Variants in OLFM2 observed in about 807,000 individuals in gnomAD.
OLFM2 encodes noelin-2.
OLFM2 carries 20 observed loss-of-function variants against 43.9 expected under a neutral mutation model. The observed-to-expected ratio is 0.46, with a 90% confidence interval of 0.32 to 0.66. OLFM2 has a LOEUF of 0.66. OLFM2 is among the 30% of genes least tolerant of loss of function. The pLI is 0.04. For missense variants in OLFM2, 416 were observed against 643.6 expected (o/e 0.65, Z 3.83); for synonymous variants, 268 against 278.6 (o/e 0.96, Z 0.38).
chr19:9,900,003 ATAG>A (rs55717815), intron 1 of OLFM2, among the ~76,000 whole-genome samples: 24 of 152,304 alleles, frequency 1.6e-4, no homozygotes, highest in Non-Finnish European at 2.9e-4. Flanking sequence ...CCCCTGGCAC[ATAG>A]TAGGTGCATA....
intron 1 of OLFM2, among the ~76,000 whole-genome samples, chr19:9,916,434 C>T (rs2046876946): frequency 6.6e-6 from 1 of 152,174 alleles, no homozygotes; most frequent in South Asian, 2.1e-4. Flanking sequence ...TTTGCAGATG[C>T]AATGTTAACA....
chr19:9,879,154 T>C (rs1229486454), intron 1 of OLFM2, among the ~76,000 whole-genome samples: 1 of 152,126 alleles, frequency 6.6e-6, no homozygotes, highest in African/African-American at 2.4e-5. Context: ...TGTTTATTTA[T>C]TTTGAGACAG....
At chr19:9,918,089 G>C (rs895246781) in intron 1 of OLFM2, among the ~76,000 whole-genome samples, 1 of 152,048 alleles carries the variant, frequency 6.6e-6, no homozygotes, top group Non-Finnish European at 1.5e-5. Context: ...ATGTTGACCA[G>C]GCTGGTTTTG....
intron 1 of OLFM2, among the ~76,000 whole-genome samples, chr19:9,894,311 G>A (rs1045475281): frequency 1.3e-5 from 2 of 150,848 alleles, no homozygotes; most frequent in Non-Finnish European, 2.9e-5. Context: ...GGTAAGTCAC[G>A]GCTGCAGTGA....
chr19:9,929,646 G>A (rs576415105), intron 1 of OLFM2, among the ~76,000 whole-genome samples: 2 of 151,944 alleles, frequency 1.3e-5, no homozygotes, highest in African/African-American at 4.8e-5. Context: ...ATGCATGTAG[G>A]AACAAATGAA....
At chr19:9,919,120 T>C (rs2086403202) in intron 1 of OLFM2, among the ~76,000 whole-genome samples, 1 of 152,056 alleles carries the variant, frequency 6.6e-6, no homozygotes, top group Non-Finnish European at 1.5e-5. Flanking sequence ...GAGAATTGCT[T>C]GAAGCCAGGA....
chr19:9,936,248 C>T, intron 1 of OLFM2, 56 bp downstream of exon 1: 2 of 1,513,012 alleles, frequency 1.3e-6, no homozygotes, highest in African/African-American at 2.8e-5. Flanking sequence ...GAACCCTCCG[C>T]GCCCCCCTCC....
chr19:9,912,548 G>A (rs948286853), intron 1 of OLFM2, among the ~76,000 whole-genome samples: 26 of 152,050 alleles, frequency 1.7e-4, no homozygotes, highest in African/African-American at 5.8e-4. Flanking sequence ...TGGGGGGAAA[G>A]GCATATCTGG....
chr19:9,872,765 T>A (rs546218117), intron 1 of OLFM2, among the ~76,000 whole-genome samples: 1 of 152,200 alleles, frequency 6.6e-6, no homozygotes, highest in East Asian at 1.9e-4. Context: ...CATCCATTCA[T>A]TCATCTGCTC....
intron 1 of OLFM2, among the ~76,000 whole-genome samples, chr19:9,871,368 C>T (rs940800868): frequency 2.6e-5 from 4 of 151,698 alleles, no homozygotes; most frequent in Non-Finnish European, 2.9e-5. Context: ...GTCAGGAGTT[C>T]GAATCCAGCC....
chr19:9,924,103 C>CAAAAA (rs1047796253), intron 1 of OLFM2, among the ~76,000 whole-genome samples: 19 of 20,692 alleles, frequency 9.2e-4, no homozygotes, highest in African/African-American at 1.2e-3. Context: ...CTCGTCTCTA[C>CAAAAA]AAAAAAAAAA....
chr19:9,904,141 C>T (rs1351002655), intron 1 of OLFM2, among the ~76,000 whole-genome samples: 1 of 144,712 alleles, frequency 6.9e-6, no homozygotes, highest in Non-Finnish European at 1.5e-5. Flanking sequence ...CAATCCCAGG[C>T]TGAGTATTGT....
At chr19:9,910,802 TAA>T (rs2046821146) in intron 1 of OLFM2, among the ~76,000 whole-genome samples, 1 of 151,574 alleles carries the variant, frequency 6.6e-6, no homozygotes, top group African/African-American at 2.4e-5. Context: ...GGTGGAAGGA[TAA>T]AGAGATGGAT....
intron 1 of OLFM2, among the ~76,000 whole-genome samples, chr19:9,880,693 G>A (rs2046532332): frequency 6.6e-6 from 1 of 152,194 alleles, no homozygotes; most frequent in Non-Finnish European, 1.5e-5. Context: ...GTGGCCACCT[G>A]CAAGCCAATG....
rs557321551 is a variant in OLFM2 at position 9,857,817 on chromosome 19, C to T, written c.258G>A (p.Thr86=). ...SQSMEVLELR[T]YRDLQYVRGM... is the part of the protein sequence containing the mutation. ...CGCGTACATACTGGAGGTCGCGATACGTCCGCAACTCAAGGACCTCCATGG... is the reference window on the plus strand; with the variant it reads ...CGCGTACATACTGGAGGTCGCGATATGTCCGCAACTCAAGGACCTCCATGG... Residue 86 remains threonine, a synonymous_variant, in exon 3 of 6, where the codon ACG becomes ACA. Transcript: ENST00000264833. The surrounding 1 kb of genome is among the most constrained non-coding windows in gnomAD (Gnocchi z 5.7). 196 of 1,614,098 alleles carry T rather than the reference C, an allele frequency of 1.2e-4. 1 individual carries two copies. The East Asian group carries it at 1.4e-3, about 12-fold the overall frequency.
At chr19:9,913,342 A>C in intron 1 of OLFM2, 1 of 368,174 alleles carries the variant, frequency 2.7e-6, no homozygotes, top group African/African-American at 2.2e-5. Flanking sequence ...GGCGTCCCCT[A>C]CCCAGGCGTG....
At chr19:9,864,966 C>T (rs2046389672) in intron 1 of OLFM2, among the ~76,000 whole-genome samples, 1 of 151,596 alleles carries the variant, frequency 6.6e-6, no homozygotes, top group Non-Finnish European at 1.5e-5. Flanking sequence ...TTTCCTTCAC[C>T]TCCTCTCTCA....
chr19:9,905,285 G>A (rs1029361518), intron 1 of OLFM2, among the ~76,000 whole-genome samples: 7 of 152,142 alleles, frequency 4.6e-5, no homozygotes, highest in South Asian at 2.1e-4. Context: ...GTGAAACCCC[G>A]TCTCTACGAA....
chr19:9,873,383 G>T (rs1056483176), intron 1 of OLFM2, among the ~76,000 whole-genome samples: 2 of 152,066 alleles, frequency 1.3e-5, no homozygotes, highest in African/African-American at 4.8e-5. Flanking sequence ...TGAACTCCTG[G>T]GTTGAAGGGA....
Sources: gnomAD v4.1 joint callset for allele counts (sites outside exome capture counted in the v4.1 genomes callset) on GRCh38, gnomAD v4.1.1 for gene constraint, Gnocchi (gnomAD v3.1) non-coding constraint, MANE v1.5 for transcripts, NCBI Gene and HGNC (gene_info 2026-07-23, HGNC 2026-07-21) for gene names.